ADAD1: variants seen among roughly 807,000 people sequenced by gnomAD.
The protein encoded by ADAD1 is adenosine deaminase domain-containing protein 1.
Under a neutral mutation model 66.8 loss-of-function variants are expected in ADAD1, and 46 were observed. The observed-to-expected ratio is 0.69, with a 90% CI of 0.54 to 0.88. The LOEUF (loss-of-function observed/expected upper bound fraction) is 0.88. Ranked by LOEUF, ADAD1 falls within the 40% of genes least tolerant of loss-of-function variation. The probability of loss-of-function intolerance (pLI) is 0.00; values close to 1 mark genes in which losing one functional copy is unlikely to be tolerated. For synonymous variants in ADAD1, 248 were observed against 229.4 expected, an observed-to-expected ratio of 1.08 and a Z score of -0.73; for missense variants, 617 against 681.8, an observed-to-expected ratio of 0.91 and a Z score of 1.06.
intron 5 of ADAD1, among the ~76,000 whole-genome samples, chr4:122,391,783 C>T (rs1344124128): frequency 6.6e-5 from 10 of 152,210 alleles, no homozygotes; most frequent in Non-Finnish European, 1.3e-4. Context: ...AGTCTTAGCT[C>T]ACTGCAACCT....
Position 122,429,107 on chromosome 4 carries a change from A to G in ADAD1, c.1618-519A>G, listed in dbSNP as rs148629345. 4.6e-3 allele frequency among the ~76,000 whole-genome samples: 697 copies of G among 151,428 alleles called. 3 individuals carry two copies. The highest frequency in any genetic ancestry group is 0.016 in the African/African-American group (671 of 41,016). ...AAATTTTCTGCAATTAGTATGATTA[A>G]TCTTTTAATTTAAAATGTTAAAAAA... On this transcript the variant is annotated intron_variant, in intron 12 of 12. Transcript: ENST00000296513.
intron 6 of ADAD1, 85 bp from the exon 7 acceptor site, chr4:122,396,167 T>C: frequency 8.7e-7 from 1 of 1,154,348 alleles, no homozygotes; most frequent in African/African-American, 1.6e-5. Flanking sequence ...TTAAATAATT[T>C]GATTGTAAGG....
At position 122,415,529 on chromosome 4, in the gene ADAD1, T is replaced by C. The variant is rs1179786220; in HGVS notation, c.1400T>C (p.Leu467Ser). The change falls in exon 11 of 13, where the codon TTG becomes TCG. Residue 467 changes from leucine to serine, a missense_variant. Leu to Ser is a moderately radical substitution (Grantham distance 145). Transcript: ENST00000296513. ...VPSAYPLQMN[L>S]EYKFLSLNWA... ...TCTGCATATCCCCTTCAAATGAACT[T>C]GGAATATAAATTTCTGAGTCTGAAT... The C allele has an allele frequency of 1.9e-6, 3 of 1,613,962 alleles. No homozygotes were observed. The highest frequency in any genetic ancestry group is 2.2e-5 in the East Asian group (1 of 44,846).
chr4:122,401,208 T>C lies in ADAD1; in HGVS notation c.724+4831T>C, dbSNP rs573385583. On this transcript the variant is annotated intron_variant, in intron 7 of 12. Transcript: ENST00000296513. Reference sequence around the variant, plus strand: ...GTTTTGATAGATTGTGTCACAATTATTGTTCAGTTCAAATAATTTTTTAAT... The same window carrying C: ...GTTTTGATAGATTGTGTCACAATTACTGTTCAGTTCAAATAATTTTTTAAT... 4.6e-5 allele frequency among the ~76,000 whole-genome samples: 7 copies of C among 152,236 alleles called. No individual in the cohort carries two copies. The South Asian group carries it at 1.5e-3, about 32-fold the overall frequency.
intron 10 of ADAD1, among the ~76,000 whole-genome samples, chr4:122,413,915 T>G (rs1796588420): frequency 6.8e-6 from 1 of 146,932 alleles, no homozygotes; most frequent in African/African-American, 2.5e-5. Flanking sequence ...AGTGTTTGAT[T>G]AGATTTAACC....
At chr4:122,380,027 GT>G in intron 2 of ADAD1, 34 bp from the exon 3 acceptor site, 1 of 1,572,476 alleles carries the variant, frequency 6.4e-7, no homozygotes, top group Non-Finnish European at 8.6e-7. Context: ...ATAGCGTTTT[GT>G]CTTGTTTTCT....
intron 12 of ADAD1, among the ~76,000 whole-genome samples, chr4:122,422,440 C>T (rs554104350): frequency 2.0e-4 from 31 of 152,238 alleles, no homozygotes; most frequent in African/African-American, 7.2e-4. Flanking sequence ...GAACATACTT[C>T]CATGTTACCA....
intron 4 of ADAD1, among the ~76,000 whole-genome samples, chr4:122,382,076 G>C (rs917516522): frequency 6.6e-6 from 1 of 152,190 alleles, no homozygotes; most frequent in Non-Finnish European, 1.5e-5. Flanking sequence ...AACATAGATG[G>C]TGGTGGTAAT....
chr4:122,401,669 G>A lies in ADAD1; in HGVS notation c.724+5292G>A, dbSNP rs1284102430. Among the ~76,000 whole-genome samples, 8 of 152,098 alleles carry A rather than the reference G, an allele frequency of 5.3e-5. 1 individual carries two copies. Among genetic ancestry groups the A allele is most frequent in the African/African-American group, 1.9e-4 (8 of 41,510 alleles). On this transcript the variant is annotated intron_variant, in intron 7 of 12. Transcript: ENST00000296513. ...AGTAGTAATTATTTTATAAATTTGT[G>A]AGCTCCAGTGTTAAGTGCATATATA...
At chr4:122,397,677 G>C (rs965016083) in intron 7 of ADAD1, among the ~76,000 whole-genome samples, 2 of 151,990 alleles carry the variant, frequency 1.3e-5, no homozygotes, top group East Asian at 3.9e-4. Context: ...TAAATGGGAA[G>C]GGAAAAATAC....
intron 12 of ADAD1, among the ~76,000 whole-genome samples, chr4:122,427,569 C>T (rs1186205638): frequency 8.9e-6 from 1 of 111,956 alleles, no homozygotes; most frequent in African/African-American, 3.4e-5. Flanking sequence ...GAGTCTTGCT[C>T]TGTCACCCAG....
intron 5 of ADAD1, among the ~76,000 whole-genome samples, chr4:122,386,117 T>A (rs1256137094): frequency 6.6e-6 from 1 of 152,182 alleles, no homozygotes; most frequent in Non-Finnish European, 1.5e-5. Flanking sequence ...AGAATCACCA[T>A]GCTGTCCTCC....
intron 10 of ADAD1, among the ~76,000 whole-genome samples, chr4:122,414,408 T>A (rs565158027): frequency 2.9e-4 from 44 of 152,050 alleles, no homozygotes; most frequent in African/African-American, 9.4e-4. Context: ...TTTTTCCAAC[T>A]TTTATTCTGT....
chr4:122,412,634 C>G lies in ADAD1; in HGVS notation c.1074C>G (p.Leu358=), dbSNP rs1445366094. The change falls in exon 10 of 13, where the codon CTC becomes CTG. Residue 358 remains leucine, a synonymous_variant. Transcript: ENST00000296513. ...TTGAAGCCAATGAAGAACTCTGTCT[C>G]CACGTGGCTGTTGAAGGCAAAATTT... is the stretch of plus-strand genomic sequence containing the variant. ...SAFEANEELC[L]HVAVEGKIYL... is the part of the protein sequence containing the mutation. 3 of 1,613,742 alleles carry G rather than the reference C, an allele frequency of 1.9e-6. No homozygotes were observed. The highest frequency in any genetic ancestry group is 2.5e-6 in the Non-Finnish European group (3 of 1,179,796).
At chr4:122,419,393 G>T (rs1297717535) in intron 11 of ADAD1, among the ~76,000 whole-genome samples, 1 of 152,204 alleles carries the variant, frequency 6.6e-6, no homozygotes. Flanking sequence ...TGGAGAGTGG[G>T]AGGAGGGAGA....
intron 10 of ADAD1, among the ~76,000 whole-genome samples, chr4:122,413,553 C>T (rs1041017822): frequency 1.3e-5 from 2 of 152,052 alleles, no homozygotes; most frequent in Admixed American, 1.3e-4. Context: ...TTAAGTACTT[C>T]AAAAATGTTT....
intron 10 of ADAD1, among the ~76,000 whole-genome samples, chr4:122,413,194 G>A (rs1008200308): frequency 6.6e-6 from 1 of 152,114 alleles, no homozygotes; most frequent in Non-Finnish European, 1.5e-5. Flanking sequence ...AAAGCACTCA[G>A]CATGCTGAAG....
At chr4:122,401,043 T>C (rs1795951673) in intron 7 of ADAD1, among the ~76,000 whole-genome samples, 1 of 152,168 alleles carries the variant, frequency 6.6e-6, no homozygotes, top group Admixed American at 6.5e-5. Context: ...TCTGCTGTGT[T>C]TGGGTTTGGT....
chr4:122,399,920 C>G (rs1795893719), intron 7 of ADAD1, among the ~76,000 whole-genome samples: 1 of 151,858 alleles, frequency 6.6e-6, no homozygotes, highest in Non-Finnish European at 1.5e-5. Context: ...TTAGGGTGTT[C>G]TAGATATGCG....
Sources: allele counts gnomAD v4.1 joint callset (sites outside exome capture counted in the v4.1 genomes callset), GRCh38; gene constraint gnomAD v4.1.1; transcripts MANE v1.5; gene names NCBI Gene and HGNC (gene_info 2026-07-23, HGNC 2026-07-21).